PRRC2B: variants seen among roughly 807,000 people sequenced by gnomAD.
The protein encoded by PRRC2B is protein PRRC2B.
Under a neutral mutation model 242.3 loss-of-function variants are expected in PRRC2B, and 68 were observed. The ratio of observed to expected loss-of-function variants is 0.28; its 90% CI spans 0.23 to 0.34. The LOEUF is 0.34. Ranked by LOEUF, PRRC2B falls within the 10% of genes least tolerant of loss-of-function variation. PRRC2B has a pLI of 1.00. For missense variants in PRRC2B, 2,835 were observed against 2,954.8 expected (o/e 0.96, Z 0.94); for synonymous variants, 1,228 against 1,173.6 (o/e 1.05, Z -0.95).
chr9:131,466,461 C>T (rs1309248851), intron 12 of PRRC2B, among the ~76,000 whole-genome samples: 2 of 152,160 alleles, frequency 1.3e-5, no homozygotes, highest in Non-Finnish European at 2.9e-5. Flanking sequence ...GGTCACATAG[C>T]CTTTCTCTTG....
At chr9:131,420,467 TTC>T (rs1452110797) in intron 1 of PRRC2B, among the ~76,000 whole-genome samples, 1 of 11,706 alleles carries the variant, frequency 8.5e-5, no homozygotes, top group East Asian at 2.3e-3. Flanking sequence ...CTTTCTTTCT[TTC>T]TTTCTTTCTT....
At chr9:131,420,767 A>G (rs1837818772) in intron 1 of PRRC2B, among the ~76,000 whole-genome samples, 1 of 151,482 alleles carries the variant, frequency 6.6e-6, no homozygotes, top group Non-Finnish European at 1.5e-5. Context: ...ACAGGTGTGA[A>G]CCGCCACACC....
chr9:131,439,820 A>G (rs1287032853), intron 5 of PRRC2B, among the ~76,000 whole-genome samples: 1 of 151,990 alleles, frequency 6.6e-6, no homozygotes, highest in East Asian at 1.9e-4. Flanking sequence ...TGCAGCCTCG[A>G]TCTCCCGGGC....
upstream of PRRC2B, among the ~76,000 whole-genome samples, chr9:131,390,139 T>G (rs923235092): frequency 6.7e-6 from 1 of 149,910 alleles, no homozygotes; most frequent in Admixed American, 6.9e-5. Flanking sequence ...GGTCTTGATC[T>G]CCTGACCTCG....
At chr9:131,439,998 C>G (rs1273986577) in intron 5 of PRRC2B, among the ~76,000 whole-genome samples, 1 of 151,804 alleles carries the variant, frequency 6.6e-6, no homozygotes, top group Non-Finnish European at 1.5e-5. Flanking sequence ...CCTCCCACTT[C>G]AGCCTCCCAA....
intron 3 of PRRC2B, among the ~76,000 whole-genome samples, chr9:131,433,853 TTTAG>T (rs1456396511): frequency 6.6e-6 from 1 of 152,222 alleles, no homozygotes; most frequent in Non-Finnish European, 1.5e-5. Context: ...AGTGAGCTAG[TTTAG>T]TTATTCAGCT....
intron 14 of PRRC2B, among the ~76,000 whole-genome samples, chr9:131,471,367 T>G (rs1318465716): frequency 2.0e-5 from 3 of 152,230 alleles, no homozygotes; most frequent in Non-Finnish European, 4.4e-5. Flanking sequence ...CTAACTTATT[T>G]GGGTTTTATT....
chr9:131,436,993 G>GAGGC (rs1838395737), intron 4 of PRRC2B, among the ~76,000 whole-genome samples: 1 of 152,172 alleles, frequency 6.6e-6, no homozygotes, highest in African/African-American at 2.4e-5. Flanking sequence ...GATTTACCGT[G>GAGGC]AGGCAGGGTC....
At chr9:131,486,052 T>C in intron 25 of PRRC2B, 33 bp from the exon 26 acceptor site, 1 of 1,407,250 alleles carries the variant, frequency 7.1e-7, no homozygotes, top group Non-Finnish European at 1.0e-6. Flanking sequence ...GGCTTGATCC[T>C]CTTCTACGTC....
chr9:131,455,670 C>T (rs1402994155), intron 10 of PRRC2B, among the ~76,000 whole-genome samples: 1 of 151,986 alleles, frequency 6.6e-6, no homozygotes, highest in Non-Finnish European at 1.5e-5. Context: ...TGCACGCCAG[C>T]ATACCCAGCT....
At chr9:131,400,549 C>G (rs1296069869) in intron 1 of PRRC2B, among the ~76,000 whole-genome samples, 1 of 152,142 alleles carries the variant, frequency 6.6e-6, no homozygotes, top group Non-Finnish European at 1.5e-5. Flanking sequence ...AAATCCTGAC[C>G]TCAGGTGATC....
In PRRC2B at chr9:131,471,104, A is replaced by T. The variant is rs984594418; in HGVS notation, c.2107+121A>T. On this transcript the variant is annotated intron_variant, in intron 14 of 31. Transcript: ENST00000683519. ...TGGTCTGGCTCTTTGTCAAGTACACAACTGGTCTGAGTTTCAAAGTAGTCA... is the reference window on the plus strand; with the variant it reads ...TGGTCTGGCTCTTTGTCAAGTACACTACTGGTCTGAGTTTCAAAGTAGTCA... The T allele has an allele frequency of 2.2e-5, 14 of 623,928 alleles. No homozygotes were observed. In the East Asian group the frequency reaches 4.6e-4, roughly 21 times the overall value. 38.6% of individuals were successfully genotyped at this position (623,928 alleles called of 1,614,324 possible). A position where few individuals can be genotyped will look rare whatever the true frequency, so the allele number is the denominator to read the frequency against.
At chr9:131,490,502 C>T (rs751490226) in intron 28 of PRRC2B, 5 of 519,110 alleles carry the variant, frequency 9.6e-6, no homozygotes, top group Non-Finnish European at 1.9e-5. Context: ...TGATGTAATT[C>T]CAATAGATCC....
chr9:131,388,391 C>T (rs557136320), intron 1 of PRRC2B, among the ~76,000 whole-genome samples: 1 of 148,940 alleles, frequency 6.7e-6, no homozygotes, highest in African/African-American at 2.4e-5. Context: ...CAGGCATACA[C>T]CACCACACCC....
chr9:131,417,810 G>A lies in PRRC2B; in HGVS notation c.-51-12284G>A, dbSNP rs183164249. ...GTGGGATGTGTGTGCGTGGAGATGCGTGCACAGCCCTCTTTATGTACACGG... is the reference window on the plus strand; with the variant it reads ...GTGGGATGTGTGTGCGTGGAGATGCATGCACAGCCCTCTTTATGTACACGG... On this transcript the variant is annotated intron_variant, in intron 1 of 31. Transcript: ENST00000683519. 1.9e-4 allele frequency among the ~76,000 whole-genome samples: 29 copies of A among 152,282 alleles called. No individual in the cohort carries two copies. In the East Asian group the frequency reaches 4.4e-3, roughly 23 times the overall value.
At chr9:131,427,339 G>A (rs1838003487) in intron 1 of PRRC2B, among the ~76,000 whole-genome samples, 1 of 152,022 alleles carries the variant, frequency 6.6e-6, no homozygotes, top group Non-Finnish European at 1.5e-5. Flanking sequence ...GTGTGTGTGT[G>A]TGTGTTTTTT....
At chr9:131,479,134 C>A in intron 18 of PRRC2B, 118 bp from the exon 19 acceptor site, 1 of 1,038,920 alleles carries the variant, frequency 9.6e-7, no homozygotes, top group Non-Finnish European at 1.4e-6. Flanking sequence ...GAGCGTTCCA[C>A]ACATCTCTGG....
intron 1 of PRRC2B, among the ~76,000 whole-genome samples, chr9:131,399,078 C>G (rs1053452536): frequency 1.3e-5 from 2 of 150,546 alleles, no homozygotes; most frequent in African/African-American, 4.9e-5. Flanking sequence ...GAATTCAAGA[C>G]CAGCCTGGCC....
chr9:131,491,484 T>C lies in PRRC2B; in HGVS notation c.6285T>C (p.Ser2095=). 4 of 1,612,478 alleles carry C rather than the reference T, an allele frequency of 2.5e-6. No homozygotes were observed. Among genetic ancestry groups the C allele is most frequent in the Non-Finnish European group, 3.4e-6 (4 of 1,179,556 alleles). Residue 2095 remains serine, a synonymous_variant, in exon 29 of 32, where the codon TCT becomes TCC. Transcript: ENST00000683519. ...SGQQPLILPQ[S]IQLPPGQSLS... ...AGCAGCCACTGATCCTGCCCCAGTC[T>C]ATTCAGCTGCCACCTGGGCAGAGCC...
Sources: gnomAD v4.1 joint callset for allele counts (sites outside exome capture counted in the v4.1 genomes callset) on GRCh38, gnomAD v4.1.1 for gene constraint, MANE v1.5 for transcripts, NCBI Gene and HGNC (gene_info 2026-07-23, HGNC 2026-07-21) for gene names.